Variants in SNX13 observed in about 807,000 individuals in gnomAD.
SNX13 encodes sorting nexin 13, also known as sorting nexin-13.
In SNX13, 45 loss-of-function variants were observed where a neutral mutation model predicts 133.6. That is an observed-to-expected ratio of 0.34 (90% CI 0.27 to 0.43). The LOEUF is 0.43. Among genes scored for constraint, SNX13 ranks in the 20% least tolerant of loss-of-function variants. The pLI is 1.00. For missense variants in SNX13, 1,032 were observed against 1,145.1 expected (o/e 0.90, Z 1.43); for synonymous variants, 414 against 373.9 (o/e 1.11, Z -1.24).
At chr7:17,821,255 A>G (rs180989906) in intron 18 of SNX13, among the ~76,000 whole-genome samples, 3 of 152,294 alleles carry the variant, frequency 2.0e-5, no homozygotes, top group Admixed American at 6.5e-5. Flanking sequence ...AATCAGAAAC[A>G]TGTATTCACT....
intron 15 of SNX13, 119 bp from the exon 16 acceptor site, chr7:17,830,166 A>C: frequency 2.8e-6 from 3 of 1,081,118 alleles, no homozygotes; most frequent in Non-Finnish European, 2.4e-6. Flanking sequence ...AATAGTAAAA[A>C]AAAAAAAAAA....
At chr7:17,910,760 T>TA (rs1798880405) in intron 1 of SNX13, among the ~76,000 whole-genome samples, 1 of 152,164 alleles carries the variant, frequency 6.6e-6, no homozygotes, top group Non-Finnish European at 1.5e-5. Context: ...TGAATGAGCT[T>TA]AAAAAACTTA....
chr7:17,884,153 A>G (rs1357202169), intron 5 of SNX13, among the ~76,000 whole-genome samples: 1 of 152,198 alleles, frequency 6.6e-6, no homozygotes, highest in African/African-American at 2.4e-5. Flanking sequence ...ACAACTATAC[A>G]AAGTAGCATA....
chr7:17,816,026 G>C (rs773983394), intron 19 of SNX13, among the ~76,000 whole-genome samples, 156 bp downstream of exon 19: 4 of 152,114 alleles, frequency 2.6e-5, no homozygotes, highest in Non-Finnish European at 2.9e-5. Context: ...AAATTACTAA[G>C]CAGACTGCAC....
rs550235620 is a variant in SNX13 at position 17,920,896 on chromosome 7, T to C, written c.12+19388A>G. On this transcript the variant is annotated intron_variant, in intron 1 of 25. Transcript: ENST00000428135. ...GACAATTTAAAGTGTTCCTGAAAAG[T>C]ATGAAGTATAAAAGTAAAGAAATAG... is the stretch of plus-strand genomic sequence containing the variant. Among the ~76,000 whole-genome samples the C allele has an allele frequency of 1.1e-4, 16 of 152,290 alleles. No homozygotes were observed. In the South Asian group the frequency reaches 3.3e-3, roughly 32 times the overall value.
intron 9 of SNX13, among the ~76,000 whole-genome samples, chr7:17,859,766 G>T (rs1792405041): frequency 6.6e-6 from 1 of 152,118 alleles, no homozygotes; most frequent in African/African-American, 2.4e-5. Context: ...GTCTTTCTGT[G>T]ATAAGCTTAT....
intron 1 of SNX13, among the ~76,000 whole-genome samples, chr7:17,909,457 C>T (rs1185906809): frequency 6.6e-6 from 1 of 152,136 alleles, no homozygotes; most frequent in Non-Finnish European, 1.5e-5. Context: ...ACCCAAAAGC[C>T]CATCAACGAT....
At chr7:17,805,132 T>G (rs2128289733) in intron 20 of SNX13, among the ~76,000 whole-genome samples, 1 of 151,262 alleles carries the variant, frequency 6.6e-6, no homozygotes, top group South Asian at 2.1e-4. Context: ...GAATAAGGAT[T>G]TGAAAAACAT....
At chr7:17,888,499 T>A (rs1480692046) in intron 5 of SNX13, 2 of 216,980 alleles carry the variant, frequency 9.2e-6, no homozygotes, top group East Asian at 1.4e-4. Flanking sequence ...GGAGAAAAAA[T>A]ACCAAACTTA....
intron 12 of SNX13, among the ~76,000 whole-genome samples, chr7:17,845,204 G>C (rs1790351418): frequency 6.6e-6 from 1 of 151,932 alleles, no homozygotes; most frequent in Admixed American, 6.6e-5. Flanking sequence ...TAAAAAGGAA[G>C]GAAATTCTCA....
intron 20 of SNX13, among the ~76,000 whole-genome samples, chr7:17,805,211 T>TGTGTGTGTGTGTGTGTGTG (rs756302031): frequency 3.4e-5 from 4 of 118,492 alleles, no homozygotes; most frequent in African/African-American, 1.3e-4. Flanking sequence ...TAATGATTCT[T>TGTGTGTGTGTGTGTGTGTG]TGTGTGTGTG....
intron 1 of SNX13, among the ~76,000 whole-genome samples, chr7:17,908,042 T>A (rs949648845): frequency 2.0e-5 from 3 of 152,172 alleles, no homozygotes; most frequent in African/African-American, 7.2e-5. Flanking sequence ...ATAAAGATCA[T>A]AAACTTATCA....
At chr7:17,798,635 T>C (rs1235677871) in intron 24 of SNX13, 55 bp downstream of exon 24, 7 of 1,313,558 alleles carry the variant, frequency 5.3e-6, no homozygotes, top group Non-Finnish European at 5.3e-6. Context: ...TAATTAGTGA[T>C]AACAATGCTA....
intron 1 of SNX13, among the ~76,000 whole-genome samples, chr7:17,898,580 C>A (rs1410657519): frequency 6.6e-6 from 1 of 152,116 alleles, no homozygotes; most frequent in Non-Finnish European, 1.5e-5. Context: ...AGCATACCCA[C>A]ATAAGTTCAC....
intron 9 of SNX13, among the ~76,000 whole-genome samples, chr7:17,866,503 T>G (rs76464207): frequency 1.3e-5 from 2 of 152,076 alleles, no homozygotes; most frequent in Admixed American, 1.3e-4. Context: ...CTTGCAAGTA[T>G]GTAAAGAAAT....
chr7:17,884,855 G>A (rs978030128), intron 5 of SNX13, among the ~76,000 whole-genome samples: 1 of 152,094 alleles, frequency 6.6e-6, no homozygotes, highest in Admixed American at 6.6e-5. Context: ...GTAACAAAAA[G>A]ACAGACAATA....
intron 9 of SNX13, among the ~76,000 whole-genome samples, chr7:17,866,570 A>G (rs1417782246): frequency 6.6e-6 from 1 of 152,244 alleles, no homozygotes; most frequent in African/African-American, 2.4e-5. Context: ...CATTAAAAAA[A>G]GAATGAAATA....
intron 22 of SNX13, 58 bp from the exon 23 acceptor site, chr7:17,799,212 A>C: frequency 7.2e-7 from 1 of 1,393,856 alleles, no homozygotes; most frequent in Non-Finnish European, 9.6e-7. Flanking sequence ...ATGAATTGTT[A>C]CTTTTGTTGC....
intron 20 of SNX13, among the ~76,000 whole-genome samples, chr7:17,809,424 G>A (rs1785738221): frequency 6.6e-6 from 1 of 151,892 alleles, no homozygotes; most frequent in African/African-American, 2.4e-5. Context: ...TGCAACAAGA[G>A]CTAACTATCC....
Sources: gnomAD v4.1 joint callset for allele counts (sites outside exome capture counted in the v4.1 genomes callset) on GRCh38, gnomAD v4.1.1 for gene constraint, MANE v1.5 for transcripts, NCBI Gene and HGNC (gene_info 2026-07-23, HGNC 2026-07-21) for gene names.